The following GPC3 variants were observed in gnomAD, a reference collection of about 807,000 sequenced individuals.
GPC3 encodes the protein glypican-3.
In GPC3, 3 loss-of-function variants were observed where a neutral mutation model predicts 34.4. The ratio of observed to expected loss-of-function variants is 0.09; its 90% CI spans 0.04 to 0.23. GPC3 has a LOEUF of 0.23. GPC3 is among the 10% of genes least tolerant of loss of function. GPC3 has a pLI of 1.00. For synonymous variants in GPC3, 177 were observed against 174.0 expected (o/e 1.02, Z -0.13); for missense variants, 351 against 445.6 (o/e 0.79, Z 1.91).
chrX:133,605,683 AGAG>A (rs2070041676), intron 6 of GPC3, among the ~76,000 whole-genome samples: 1 of 112,234 alleles, frequency 8.9e-6, no homozygotes, highest in Admixed American at 9.5e-5. Context: ...GAAGAGGAAA[AGAG>A]GAGGAAGAGG....
chrX:133,949,705 A>G (rs2076383867), intron 2 of GPC3, among the ~76,000 whole-genome samples: 1 of 112,416 alleles, frequency 8.9e-6, no homozygotes, highest in Non-Finnish European at 1.9e-5. Flanking sequence ...CAAGGCTGAA[A>G]ATCATAATAA....
At chrX:133,624,472 G>A (rs949812345) in intron 6 of GPC3, among the ~76,000 whole-genome samples, 1 of 111,610 alleles carries the variant, frequency 9.0e-6, no homozygotes, top group African/African-American at 3.3e-5. Flanking sequence ...GAATGATAAA[G>A]GGGATAACAT....
chrX:133,985,153 C>T (rs2076560862), intron 1 of GPC3, 122 bp downstream of exon 1: 1 of 765,044 alleles, frequency 1.3e-6, no homozygotes, highest in Non-Finnish European at 2.0e-6. Flanking sequence ...CGACCACTCC[C>T]AAGTGCCCAG....
intron 4 of GPC3, among the ~76,000 whole-genome samples, chrX:133,694,869 G>C (rs919811746): frequency 9.1e-6 from 1 of 110,465 alleles, no homozygotes; most frequent in Non-Finnish European, 1.9e-5. Flanking sequence ...GATGAGGTTC[G>C]ATCTAAATGT....
rs764148728 is a variant in GPC3 at position 133,753,568 on chromosome X, T to C, written c.946A>G (p.Met316Val). Residue 316 changes from methionine to valine, a missense_variant, in exon 3 of 8, where the codon ATG becomes GTG. Transcript: ENST00000370818. ...LVNGMYRIYDMENVLLGLFST... is the reference protein window; with the variant it reads ...LVNGMYRIYDVENVLLGLFST... ...AAGAGACCAAGCAGTACGTTCTCCA[T>C]GTCATAGATTCTGTACATGCCATTC... 9 of 1,206,911 alleles carry C rather than the reference T, an allele frequency of 7.5e-6. No homozygotes were observed. Among genetic ancestry groups the C allele is most frequent in the Non-Finnish European group, 1.0e-5 (9 of 892,236 alleles).
Position 133,662,865 on chromosome X carries a change from C to CT in GPC3, c.1293-1016dup, listed in dbSNP as rs199947953. On this transcript the variant is annotated intron_variant, in intron 5 of 7. Transcript: ENST00000370818. ...AGGGCTTTTGCTCTCTCATTATATA[C>CT]TTTTTTTTTTCAATTACAATAGGGT... Among the ~76,000 whole-genome samples the CT allele has an allele frequency of 9.6e-4, 103 of 107,151 alleles. 1 individual carries two copies. Among genetic ancestry groups the CT allele is most frequent in the East Asian group, 4.4e-3 (15 of 3,426 alleles). The allele number at this position is 107,151 out of a possible 115,157, so 93.0% of individuals were successfully genotyped here. A position where few individuals can be genotyped will look rare whatever the true frequency, so the allele number is the denominator to read the frequency against.
At position 133,692,521 on chromosome X, in the gene GPC3, A is replaced by G. The variant is rs185972134; in HGVS notation, c.1167-27T>C. 4.5e-3 allele frequency: 5,348 copies of G among 1,182,711 alleles called. 19 individuals carry two copies. The highest frequency in any genetic ancestry group is 5.4e-3 in the Non-Finnish European group (4,735 of 870,223). On this transcript the variant is annotated intron_variant, in intron 4 of 7. Transcript: ENST00000370818. ...TAAAAGAAAAACAAAACATCTGTGC[A>G]TAAGAGGCAAGTAAACTCAGTATGA...
chrX:133,762,948 G>A, intron 2 of GPC3: 1 of 595,391 alleles, frequency 1.7e-6, no homozygotes, highest in Non-Finnish European at 2.9e-6. Context: ...TCCTAAATCT[G>A]AAGAGGACCT....
intron 3 of GPC3, among the ~76,000 whole-genome samples, chrX:133,744,001 T>C (rs150314869): frequency 0.048 from 5,390 of 111,503 alleles, 347 homozygotes; most frequent in African/African-American, 0.17. Context: ...ACACCTTATA[T>C]AAAAATTAAC....
rs1392867430 is a variant in GPC3, at chrX:133,953,331, ATTTCT to A, written c.176-125_176-121del. The A allele has an allele frequency of 5.2e-6, 3 of 571,546 alleles. No individual in the cohort carries two copies. In the African/African-American group the frequency reaches 6.9e-5, roughly 13 times the overall value. 47.1% of individuals were successfully genotyped at this position (571,546 alleles called of 1,213,427 possible). On this transcript the variant is annotated intron_variant, in intron 1 of 7. Coordinates refer to ENST00000370818, the MANE Select transcript of GPC3 (RefSeq NM_004484.4). ...ACATGGCAAACAGGGCAAACAATGC[ATTTCT>A]TTTGAGATACAGTAAAATTTTGATT...
At chrX:133,679,303 T>C (rs1255754132) in intron 5 of GPC3, among the ~76,000 whole-genome samples, 1 of 111,760 alleles carries the variant, frequency 8.9e-6, no homozygotes, top group Non-Finnish European at 1.9e-5. Context: ...CCCTTACATC[T>C]GATCTACTCT....
intron 2 of GPC3, among the ~76,000 whole-genome samples, chrX:133,926,545 T>C (rs1395958598): frequency 8.9e-6 from 1 of 112,404 alleles, no homozygotes; most frequent in African/African-American, 3.2e-5. Flanking sequence ...TGAAACACAA[T>C]CTAAAGCAAA....
chrX:133,955,920 TACA>T (rs2076414690), intron 1 of GPC3, among the ~76,000 whole-genome samples: 1 of 112,030 alleles, frequency 8.9e-6, no homozygotes. Context: ...TTATTTTTAT[TACA>T]ACATCTTATT....
chrX:133,636,073 C>T (rs923804483), intron 6 of GPC3, among the ~76,000 whole-genome samples: 4 of 111,480 alleles, frequency 3.6e-5, no homozygotes, highest in African/African-American at 6.5e-5. Flanking sequence ...ACAATTATTC[C>T]GAACAGTGTT....
intron 2 of GPC3, among the ~76,000 whole-genome samples, chrX:133,788,091 TA>T (rs1569432774): frequency 7.0e-3 from 124 of 17,615 alleles, no homozygotes; most frequent in Non-Finnish European, 0.017. Flanking sequence ...TATTATTTTA[TA>T]TATATATATA....
intron 1 of GPC3, among the ~76,000 whole-genome samples, chrX:133,984,971 T>C (rs1602580718): frequency 9.0e-6 from 1 of 110,906 alleles, no homozygotes; most frequent in East Asian, 2.9e-4. Flanking sequence ...CCCGGGAAAA[T>C]AGCTCCCACC....
At chrX:133,619,995 C>T (rs143037722) in intron 6 of GPC3, among the ~76,000 whole-genome samples, 1,790 of 109,162 alleles carry the variant, frequency 0.016, 32 homozygotes, top group African/African-American at 0.056. Flanking sequence ...CTGAGGTGGG[C>T]GGATCATGAT....
At position 133,772,641 on chromosome X, in the gene GPC3, G is replaced by A. The variant is rs886873231; in HGVS notation, c.338-18465C>T. ...ATCTGGGTTGAGTATCATGGTTAAC[G>A]TGATGTCAGAAGACCAGTTTTATAA... On this transcript the variant is annotated intron_variant, in intron 2 of 7. Transcript: ENST00000370818. Among the ~76,000 whole-genome samples, 5 of 112,074 alleles carry A rather than the reference G, an allele frequency of 4.5e-5. No homozygotes were observed. The South Asian group carries it at 1.1e-3, about 25-fold the overall frequency.
rs946020271 is a variant in GPC3 at position 133,832,685 on chromosome X, T to C, written c.338-78509A>G. Among the ~76,000 whole-genome samples the C allele has an allele frequency of 6.2e-5, 7 of 112,160 alleles. No individual in the cohort carries two copies. In the South Asian group the frequency reaches 1.8e-3, roughly 30 times the overall value. ...CCGTATGATACTTGCCATAAAAATA[T>C]AGGCAAAAGTGAGCTTTTATCATTC... On this transcript the variant is annotated intron_variant, in intron 2 of 7. Transcript: ENST00000370818.
Sources: allele counts gnomAD v4.1 joint callset (sites outside exome capture counted in the v4.1 genomes callset), GRCh38; gene constraint gnomAD v4.1.1; transcripts MANE v1.5; gene names NCBI Gene and HGNC (gene_info 2026-07-23, HGNC 2026-07-21).